RBFOX2: variants seen among roughly 807,000 people sequenced by gnomAD.
RBFOX2 encodes RNA binding protein fox-1 homolog 2.
RBFOX2 carries 10 observed loss-of-function variants against 49.1 expected under a neutral mutation model. The observed-to-expected ratio is 0.20, with a 90% CI of 0.13 to 0.35. The LOEUF is 0.35. RBFOX2 is among the 10% of genes least tolerant of loss of function. The probability of loss-of-function intolerance (pLI) is 1.00; values close to 1 mark genes in which losing one functional copy is unlikely to be tolerated. For synonymous variants in RBFOX2, 183 were observed against 187.4 expected (o/e 0.98, Z 0.19); for missense variants, 323 against 486.9 (o/e 0.66, Z 3.17).
At chr22:35,775,547 A>G (rs956869887) in intron 4 of RBFOX2, among the ~76,000 whole-genome samples, 2 of 152,072 alleles carry the variant, frequency 1.3e-5, no homozygotes, top group Admixed American at 1.3e-4. Context: ...GTAAATTTAA[A>G]AAAATGTGGG....
chr22:35,947,604 T>A (rs757564297), intron 1 of RBFOX2, among the ~76,000 whole-genome samples: 2 of 144,890 alleles, frequency 1.4e-5, no homozygotes, highest in African/African-American at 2.6e-5. Context: ...GATGATTTTG[T>A]CCCCGTGGAG....
At chr22:35,975,452 TAAGGA>T (rs1388423155) in intron 1 of RBFOX2, among the ~76,000 whole-genome samples, 2 of 152,214 alleles carry the variant, frequency 1.3e-5, no homozygotes, top group African/African-American at 4.8e-5. Flanking sequence ...TCTGCAAAGT[TAAGGA>T]AAGATTAAGA....
At chr22:35,882,623 A>T (rs987616782) in intron 1 of RBFOX2, among the ~76,000 whole-genome samples, 1 of 152,212 alleles carries the variant, frequency 6.6e-6, no homozygotes, top group Non-Finnish European at 1.5e-5. Flanking sequence ...GAATTGCTGG[A>T]TCCATGTCCT....
intron 1 of RBFOX2, among the ~76,000 whole-genome samples, chr22:35,913,479 G>T (rs958237480): frequency 8.6e-6 from 1 of 116,168 alleles, no homozygotes; most frequent in African/African-American, 3.8e-5. Context: ...TATTTCTATT[G>T]TGTGTGTGTG....
intron 1 of RBFOX2, among the ~76,000 whole-genome samples, chr22:35,951,831 C>T (rs1051308765): frequency 6.6e-6 from 1 of 152,158 alleles, no homozygotes; most frequent in African/African-American, 2.4e-5. Flanking sequence ...TCCCTGCTGG[C>T]TTTCTACTAT....
chr22:35,847,098 GC>G (rs2041313588), intron 1 of RBFOX2, among the ~76,000 whole-genome samples: 1 of 152,164 alleles, frequency 6.6e-6, no homozygotes, highest in South Asian at 2.1e-4. Flanking sequence ...ATTTGTCTGG[GC>G]AGGGAGACTA....
chr22:35,783,878 T>G (rs1371708685), intron 2 of RBFOX2, among the ~76,000 whole-genome samples: 5 of 152,124 alleles, frequency 3.3e-5, no homozygotes, highest in African/African-American at 1.2e-4. Context: ...CACTATCAAC[T>G]CACACCAATT....
intron 1 of RBFOX2, among the ~76,000 whole-genome samples, chr22:35,848,516 A>G (rs2041498587): frequency 6.6e-6 from 1 of 152,204 alleles, no homozygotes; most frequent in Non-Finnish European, 1.5e-5. Context: ...GAAAGCTGTA[A>G]GTTTACTCCA....
intron 1 of RBFOX2, among the ~76,000 whole-genome samples, chr22:35,890,133 T>TAAGAGAAA (rs1404103482): frequency 2.0e-5 from 3 of 152,216 alleles, no homozygotes; most frequent in South Asian, 4.1e-4. Flanking sequence ...TGAATGTTCC[T>TAAGAGAAA]AAGAATATAT....
chr22:36,012,424 C>T (rs945091859), intron 1 of RBFOX2, among the ~76,000 whole-genome samples: 3 of 152,064 alleles, frequency 2.0e-5, no homozygotes, highest in Non-Finnish European at 4.4e-5. Flanking sequence ...AGGGCCTGCA[C>T]GAAAGCATTT....
chr22:35,803,094 G>A (rs367728730), intron 2 of RBFOX2, among the ~76,000 whole-genome samples: 2 of 151,522 alleles, frequency 1.3e-5, no homozygotes, highest in South Asian at 2.1e-4. Flanking sequence ...ACTAGTGGCC[G>A]TATACTGTGT....
chr22:35,875,535 C>G (rs868733718), intron 1 of RBFOX2, among the ~76,000 whole-genome samples: 1 of 151,404 alleles, frequency 6.6e-6, no homozygotes, highest in Non-Finnish European at 1.5e-5. Context: ...TCTGTACTTA[C>G]AAAAGTAACA....
chr22:35,946,857 G>A (rs75048125), intron 1 of RBFOX2, among the ~76,000 whole-genome samples: 1,966 of 152,254 alleles, frequency 0.013, 23 homozygotes, highest in Admixed American at 0.024. Flanking sequence ...CAATACTTTG[G>A]TCAACAACTG....
chr22:35,753,410 G>A (rs1185963393), intron 9 of RBFOX2, among the ~76,000 whole-genome samples: 1 of 152,156 alleles, frequency 6.6e-6, no homozygotes, highest in East Asian at 1.9e-4. Flanking sequence ...ACCTCATAAA[G>A]TATTCTTGCT....
At chr22:35,791,954 G>C (rs1947759852) in intron 2 of RBFOX2, among the ~76,000 whole-genome samples, 1 of 152,144 alleles carries the variant, frequency 6.6e-6, no homozygotes, top group Admixed American at 6.5e-5. Flanking sequence ...AAGGTCAGTA[G>C]ATATTTCTAT....
upstream of RBFOX2, among the ~76,000 whole-genome samples, chr22:35,942,451 T>C (rs2053792774): frequency 6.6e-6 from 1 of 152,168 alleles, no homozygotes; most frequent in Non-Finnish European, 1.5e-5. Context: ...AAAACAGTGT[T>C]GTTTGCCTTA....
intron 2 of RBFOX2, among the ~76,000 whole-genome samples, chr22:35,787,017 A>G (rs1027753950): frequency 1.5e-4 from 23 of 151,986 alleles, no homozygotes; most frequent in African/African-American, 5.6e-4. Flanking sequence ...GGAAGGCTAC[A>G]CTAGAGGTGA....
intron 4 of RBFOX2, among the ~76,000 whole-genome samples, chr22:35,770,016 T>TACTCCTAAA (rs1206361455): frequency 7.2e-5 from 11 of 152,316 alleles, no homozygotes; most frequent in Non-Finnish European, 1.2e-4. Flanking sequence ...TCCTAAAGAA[T>TACTCCTAAA]GTGTAAGTTT....
At chr22:35,796,586 A>G (rs1046162902) in intron 2 of RBFOX2, among the ~76,000 whole-genome samples, 5 of 152,202 alleles carry the variant, frequency 3.3e-5, no homozygotes, top group East Asian at 1.9e-4. Flanking sequence ...ACTTTCTTAA[A>G]AGTTAACTGC....
Sources: gnomAD v4.1 joint callset for allele counts (sites outside exome capture counted in the v4.1 genomes callset) on GRCh38, gnomAD v4.1.1 for gene constraint, MANE v1.5 for transcripts, NCBI Gene and HGNC (gene_info 2026-07-23, HGNC 2026-07-21) for gene names.